FMN2: variants seen among roughly 807,000 people sequenced by gnomAD.
FMN2 encodes formin 2, also known as formin-2.
FMN2 carries 51 observed loss-of-function variants against 142.3 expected under a neutral mutation model. The observed-to-expected ratio is 0.36, with a 90% CI of 0.29 to 0.45. The LOEUF (loss-of-function observed/expected upper bound fraction) is 0.45. FMN2 is among the 20% of genes least tolerant of loss of function. FMN2 has a pLI of 1.00. For synonymous variants in FMN2, 882 were observed against 869.8 expected (o/e 1.01, Z -0.25); for missense variants, 1,936 against 2,122.8 (o/e 0.91, Z 1.73).
chr1:240,092,457 C>T lies in FMN2; in HGVS notation c.348C>T (p.Thr116=). Residue 116 remains threonine (T), a synonymous_variant, in exon 1 of 18, where the codon ACC becomes ACT. Coordinates refer to ENST00000319653, the MANE Select transcript of FMN2 (RefSeq NM_020066.5). ...TGGACAGCGCTCACTCCCTGCTCAC[C>T]AAGACTCCAGACCTCAGCCTCTCGG... The part of the protein sequence containing the change: ...GELDSAHSLL[T]KTPDLSLSAD... 6.2e-7 allele frequency: 1 copy of T among 1,609,988 alleles called. No individual in the cohort carries two copies. Among genetic ancestry groups the T allele is most frequent in the Admixed American group, 1.7e-5 (1 of 59,510 alleles).
chr1:240,125,303 T>A (rs1207195258), intron 2 of FMN2, among the ~76,000 whole-genome samples: 1 of 152,262 alleles, frequency 6.6e-6, no homozygotes, highest in Non-Finnish European at 1.5e-5. Context: ...TTGTGAAGTT[T>A]CCTTCCTGAG....
intron 15 of FMN2, among the ~76,000 whole-genome samples, chr1:240,410,851 G>A (rs1674363996): frequency 6.6e-6 from 1 of 152,016 alleles, no homozygotes; most frequent in Admixed American, 6.5e-5. Context: ...AAGTCAATTA[G>A]TACCACAAGG....
At chr1:240,157,843 A>G (rs1331176758) in intron 2 of FMN2, among the ~76,000 whole-genome samples, 1 of 151,972 alleles carries the variant, frequency 6.6e-6, no homozygotes, top group Non-Finnish European at 1.5e-5. Context: ...ATAAATATAT[A>G]TCACTGAAAA....
At chr1:240,205,072 G>T (rs1666278024) in intron 4 of FMN2, among the ~76,000 whole-genome samples, 1 of 152,156 alleles carries the variant, frequency 6.6e-6, no homozygotes, top group African/African-American at 2.4e-5. Context: ...TAAAAATCAA[G>T]TCTGGAGTAT....
intron 3 of FMN2, among the ~76,000 whole-genome samples, chr1:240,187,941 G>A (rs10495460): frequency 0.096 from 14,629 of 152,096 alleles, 1,037 homozygotes; most frequent in African/African-American, 0.2. Context: ...ACTAGCAATC[G>A]AGACAAATAA....
At chr1:240,421,268 G>T (rs1389253684) in intron 15 of FMN2, among the ~76,000 whole-genome samples, 1 of 152,126 alleles carries the variant, frequency 6.6e-6, no homozygotes, top group African/African-American at 2.4e-5. Flanking sequence ...GTACCTTTCA[G>T]ATGGTACACA....
intron 16 of FMN2, among the ~76,000 whole-genome samples, chr1:240,460,665 A>G (rs1442972337): frequency 1.3e-5 from 2 of 151,714 alleles, no homozygotes; most frequent in Admixed American, 1.3e-4. Flanking sequence ...ACATAAATAT[A>G]TAATGTATAT....
intron 8 of FMN2, among the ~76,000 whole-genome samples, chr1:240,300,513 C>T (rs78206458): frequency 0.033 from 4,959 of 152,196 alleles, 276 homozygotes; most frequent in African/African-American, 0.11. Flanking sequence ...CTTTGTACCC[C>T]CCTCTGATGT....
Position 240,333,907 on chromosome 1 carries a change from G to T in FMN2, c.4605G>T (p.Leu1535Phe), listed in dbSNP as rs1558438906. Residue 1535 changes from leucine to phenylalanine, a missense_variant, in exon 12 of 18, where the codon TTG becomes TTT. Physicochemically the swap from Leu to Phe is conservative, Grantham distance 22 (BLOSUM62 0). Transcript: ENST00000319653. Reference sequence around the variant, plus strand: ...CCTAGGACAATAGCAGAAGCCTTTTGTCATATATTGTTTCGTATTATCTCC... The same window carrying T: ...CCTAGGACAATAGCAGAAGCCTTTTTTCATATATTGTTTCGTATTATCTCC... The part of the protein sequence containing the change: ...VKSSDNSRSL[L>F]SYIVSYYLRN... The T allele has an allele frequency of 6.2e-7, 1 of 1,609,618 alleles. No homozygotes were observed. Among genetic ancestry groups the T allele is most frequent in the African/African-American group, 1.3e-5 (1 of 74,918 alleles).
intron 6 of FMN2, among the ~76,000 whole-genome samples, chr1:240,254,739 C>T (rs1035947191): frequency 6.6e-6 from 1 of 152,136 alleles, no homozygotes; most frequent in African/African-American, 2.4e-5. Context: ...CTCTTAAATG[C>T]ACAGAGGCCT....
intron 6 of FMN2, among the ~76,000 whole-genome samples, chr1:240,214,269 T>C (rs528496963): frequency 7.9e-5 from 12 of 152,224 alleles, no homozygotes; most frequent in African/African-American, 2.6e-4. Flanking sequence ...AAAGTGATCT[T>C]GGCCGGGTGT....
chr1:240,104,709 C>G (rs1661538551), intron 1 of FMN2, among the ~76,000 whole-genome samples: 1 of 152,104 alleles, frequency 6.6e-6, no homozygotes, highest in Admixed American at 6.6e-5. Context: ...AATCTACGAA[C>G]TTTTCTGGGT....
At chr1:240,324,255 T>A (rs76143283) in intron 8 of FMN2, among the ~76,000 whole-genome samples, 1,690 of 152,302 alleles carry the variant, frequency 0.011, 34 homozygotes, top group African/African-American at 0.037. Flanking sequence ...TACACTATTC[T>A]GGTGAAGTTA....
chr1:240,409,075 AT>A (rs1187718175), intron 15 of FMN2, among the ~76,000 whole-genome samples: 1 of 152,132 alleles, frequency 6.6e-6, no homozygotes, highest in African/African-American at 2.4e-5. Context: ...CCGGTGCCCT[AT>A]TTAAGTGGCT....
At chr1:240,117,827 C>G (rs1312953260) in intron 1 of FMN2, among the ~76,000 whole-genome samples, 2 of 152,178 alleles carry the variant, frequency 1.3e-5, no homozygotes, top group African/African-American at 4.8e-5. Context: ...ACAGCAGGGA[C>G]TGCTGAAATG....
chr1:240,174,876 C>G (rs1345963550), intron 2 of FMN2, among the ~76,000 whole-genome samples: 1 of 152,186 alleles, frequency 6.6e-6, no homozygotes, highest in Non-Finnish European at 1.5e-5. Flanking sequence ...TTTTAAGTGT[C>G]CAATTCAGTG....
chr1:240,357,562 T>C (rs1021044974), intron 14 of FMN2, among the ~76,000 whole-genome samples: 3 of 152,016 alleles, frequency 2.0e-5, no homozygotes, highest in African/African-American at 7.2e-5. Context: ...TGCCCAGTCA[T>C]ACTAACTGTG....
At chr1:240,143,763 G>A (rs1466070427) in intron 2 of FMN2, 1 of 1,520,368 alleles carries the variant, frequency 6.6e-7, no homozygotes, top group African/African-American at 1.4e-5. Flanking sequence ...ATGGTCTGAA[G>A]GATAGTGGAA....
chr1:240,097,224 A>G (rs1339512371), intron 1 of FMN2, among the ~76,000 whole-genome samples: 1 of 152,170 alleles, frequency 6.6e-6, no homozygotes, highest in Non-Finnish European at 1.5e-5. Flanking sequence ...ACATCTTATA[A>G]AAACATTAGT....
Sources: allele counts gnomAD v4.1 joint callset (sites outside exome capture counted in the v4.1 genomes callset), GRCh38; gene constraint gnomAD v4.1.1; transcripts MANE v1.5; gene names NCBI Gene and HGNC (gene_info 2026-07-23, HGNC 2026-07-21).